Variants in LRRTM3 observed in about 807,000 individuals in gnomAD.
LRRTM3 encodes the protein leucine rich repeat transmembrane neuronal 3, also known as leucine-rich repeat transmembrane neuronal protein 3.
In LRRTM3, 24 loss-of-function variants were observed where a neutral mutation model predicts 44.7. The observed-to-expected ratio is 0.54, with a 90% CI of 0.39 to 0.76. The LOEUF is 0.76. LRRTM3 is among the 30% of genes least tolerant of loss of function. The pLI is 0.00. For synonymous variants in LRRTM3, 277 were observed against 278.7 expected (o/e 0.99, Z 0.06); for missense variants, 587 against 702.2 (o/e 0.84, Z 1.85).
intron 2 of LRRTM3, among the ~76,000 whole-genome samples, chr10:67,023,468 A>T (rs951677530): frequency 3.3e-5 from 5 of 152,130 alleles, no homozygotes; most frequent in Non-Finnish European, 7.4e-5. Flanking sequence ...GAGAACGATG[A>T]CTAAAATCTA....
chr10:66,993,399 G>A (rs552851581), intron 2 of LRRTM3, among the ~76,000 whole-genome samples: 86 of 152,226 alleles, frequency 5.6e-4, no homozygotes, highest in African/African-American at 2.0e-3. Context: ...TCTTGATGGG[G>A]GAGTGGCAAT....
At chr10:67,081,227 C>T (rs1857042776) in intron 2 of LRRTM3, among the ~76,000 whole-genome samples, 1 of 152,092 alleles carries the variant, frequency 6.6e-6, no homozygotes. Context: ...TGACTGTTGG[C>T]AGGGCATTTA....
chr10:66,981,554 T>C (rs1001569905), intron 2 of LRRTM3, among the ~76,000 whole-genome samples: 1 of 152,240 alleles, frequency 6.6e-6, no homozygotes, highest in African/African-American at 2.4e-5. Context: ...CCAACTTCCA[T>C]AGCACATTTT....
intron 2 of LRRTM3, among the ~76,000 whole-genome samples, chr10:66,936,747 T>C (rs1274816150): frequency 6.6e-6 from 1 of 152,276 alleles, no homozygotes; most frequent in African/African-American, 2.4e-5. Context: ...GTATCCATAT[T>C]GAAATTCCTC....
At chr10:67,034,807 T>A (rs1263926994) in intron 2 of LRRTM3, among the ~76,000 whole-genome samples, 2 of 152,192 alleles carry the variant, frequency 1.3e-5, no homozygotes, top group Admixed American at 6.5e-5. Context: ...ACCTACCATA[T>A]CAGTCTTGCC....
intron 2 of LRRTM3, among the ~76,000 whole-genome samples, chr10:67,093,891 A>G (rs1040366241): frequency 1.3e-5 from 2 of 152,040 alleles, no homozygotes; most frequent in African/African-American, 4.8e-5. Flanking sequence ...ACTGACTATA[A>G]TTTGAAAGGG....
At chr10:67,069,026 T>G (rs963035362) in intron 2 of LRRTM3, among the ~76,000 whole-genome samples, 1 of 149,880 alleles carries the variant, frequency 6.7e-6, no homozygotes, top group Non-Finnish European at 1.5e-5. Context: ...TGAACTCCAC[T>G]CTGGGCAACA....
At position 67,098,345 on chromosome 10, in the gene LRRTM3, T is replaced by C. The variant is rs1017382193; in HGVS notation, c.*549T>C. 1 of 152,642 alleles carries C rather than the reference T, an allele frequency of 6.6e-6. No individual in the cohort carries two copies. The highest frequency in any genetic ancestry group is 1.5e-5 in the Non-Finnish European group (1 of 68,116). The allele number at this position is 152,642 out of a possible 1,614,324, so 9.5% of individuals were successfully genotyped here. The stretch of plus-strand genomic sequence containing the variant: ...TGCGAAACATGCACGATTTTTATTA[T>C]GCTTACTGCGTAGAATTTTATCTAC... On this transcript the variant is annotated 3_prime_UTR_variant, in exon 3 of 3. Transcript: ENST00000361320.
intron 2 of LRRTM3, among the ~76,000 whole-genome samples, chr10:66,988,814 A>C (rs1333658829): frequency 6.6e-6 from 1 of 151,922 alleles, no homozygotes; most frequent in African/African-American, 2.4e-5. Context: ...TAATCAATAG[A>C]TCATTATAAA....
intron 2 of LRRTM3, among the ~76,000 whole-genome samples, chr10:67,045,419 TG>T (rs201903756): frequency 3.3e-5 from 5 of 152,244 alleles, no homozygotes; most frequent in African/African-American, 4.8e-5. Flanking sequence ...TTGGTTTTTT[TG>T]TTGTTGTTGT....
At chr10:66,955,175 T>A (rs1259051663) in intron 2 of LRRTM3, among the ~76,000 whole-genome samples, 3 of 152,164 alleles carry the variant, frequency 2.0e-5, no homozygotes, top group African/African-American at 7.2e-5. Context: ...CTGAGTATTG[T>A]TTCCCTGAAA....
intron 2 of LRRTM3, among the ~76,000 whole-genome samples, chr10:67,007,406 T>C (rs1852061345): frequency 6.6e-6 from 1 of 152,148 alleles, no homozygotes; most frequent in Non-Finnish European, 1.5e-5. Flanking sequence ...CTGACTTTTT[T>C]TTTTTAACAT....
At position 67,017,079 on chromosome 10, in the gene LRRTM3, C is replaced by A. The variant is rs558280267; in HGVS notation, c.1537-80508C>A. Among the ~76,000 whole-genome samples the A allele has an allele frequency of 1.8e-4, 27 of 152,204 alleles. No homozygotes were observed. In the South Asian group the frequency reaches 5.6e-3, roughly 32 times the overall value. On this transcript the variant is annotated intron_variant, in intron 2 of 2. Coordinates refer to ENST00000361320, the MANE Select transcript of LRRTM3 (RefSeq NM_178011.5). ...CCAAGATCTGGAATCTCATGGAGCT[C>A]ACAGATTTATAGCTAATCATTGTAT...
rs530546923 is a variant in LRRTM3, at chr10:66,994,887, C to G, written c.1536+66435C>G. Among the ~76,000 whole-genome samples the G allele has an allele frequency of 2.0e-5, 3 of 152,230 alleles. No individual in the cohort carries two copies. In the South Asian group the frequency reaches 6.2e-4, roughly 32 times the overall value. On this transcript the variant is annotated intron_variant, in intron 2 of 2. Coordinates refer to ENST00000361320, the MANE Select transcript of LRRTM3 (RefSeq NM_178011.5). ...AAATGTTACAATATGAAATGTAAAA[C>G]TAGGAAACCCAAATGCAACAAGTGG...
intron 2 of LRRTM3, among the ~76,000 whole-genome samples, chr10:66,981,470 AT>A (rs1184134678): frequency 2.0e-5 from 3 of 151,640 alleles, no homozygotes; most frequent in Non-Finnish European, 4.4e-5. Context: ...ATTTCCATTT[AT>A]TTTTTTTGGC....
chr10:66,947,920 C>G lies in LRRTM3; in HGVS notation c.1536+19468C>G, dbSNP rs1024280028. ...CATCACAGAGTGTACTTACATAAACCTAGATGACAGTCTACTACACACCTA... is the reference window on the plus strand; with the variant it reads ...CATCACAGAGTGTACTTACATAAACGTAGATGACAGTCTACTACACACCTA... On this transcript the variant is annotated intron_variant, in intron 2 of 2. Transcript: ENST00000361320. Among the ~76,000 whole-genome samples, 85 of 152,224 alleles carry G rather than the reference C, an allele frequency of 5.6e-4. 1 individual carries two copies. The highest frequency in any genetic ancestry group is 8.8e-5 in the Non-Finnish European group (6 of 68,004).
chr10:67,064,261 A>G (rs1319165924), intron 2 of LRRTM3, among the ~76,000 whole-genome samples: 1 of 152,064 alleles, frequency 6.6e-6, no homozygotes. Context: ...TGGGTTACTG[A>G]GTCTGCTGTG....
chr10:67,052,767 GAAAC>G (rs1363984302), intron 2 of LRRTM3: 6 of 151,916 alleles, frequency 3.9e-5, no homozygotes, highest in African/African-American at 7.3e-5. Context: ...AACAAACAAA[GAAAC>G]AAACAAAGTT....
chr10:67,042,382 G>C (rs1854450523), intron 2 of LRRTM3, among the ~76,000 whole-genome samples: 1 of 152,088 alleles, frequency 6.6e-6, no homozygotes, highest in East Asian at 1.9e-4. Flanking sequence ...TTCTGGTTTG[G>C]ATAAGCAGTT....
Sources: allele counts gnomAD v4.1 joint callset (sites outside exome capture counted in the v4.1 genomes callset), GRCh38; gene constraint gnomAD v4.1.1; transcripts MANE v1.5; gene names NCBI Gene and HGNC (gene_info 2026-07-23, HGNC 2026-07-21).